ZWILCH: variants seen among roughly 807,000 people sequenced by gnomAD.
ZWILCH encodes the protein protein zwilch homolog.
ZWILCH carries 74 observed loss-of-function variants against 79.9 expected under a neutral mutation model. The observed-to-expected ratio is 0.93, with a 90% CI of 0.77 to 1.12. The LOEUF (loss-of-function observed/expected upper bound fraction) is 1.12. Ranked by LOEUF, ZWILCH falls within the 50% of genes most tolerant of loss-of-function variation. The probability of loss-of-function intolerance (pLI) is 0.00; values close to 1 mark genes in which losing one functional copy is unlikely to be tolerated. For missense variants in ZWILCH, 694 were observed against 687.5 expected, an observed-to-expected ratio of 1.01 and a Z score of -0.11; for synonymous variants, 241 against 228.2, an observed-to-expected ratio of 1.06 and a Z score of -0.51.
At position 66,548,679 on chromosome 15, in the gene ZWILCH, G is replaced by A; in HGVS notation, c.*355G>A. 1 of 709,460 alleles carries A rather than the reference G, an allele frequency of 1.4e-6. No individual in the cohort carries two copies. Among genetic ancestry groups the A allele is most frequent in the East Asian group, 2.6e-5 (1 of 38,310 alleles). The allele number at this position is 709,460 out of a possible 1,614,324, so 43.9% of individuals were successfully genotyped here. On this transcript the variant is annotated 3_prime_UTR_variant, in exon 19 of 19. Transcript: ENST00000307897. Reference sequence around the variant, plus strand: ...TAGTAAATACAGCTTTATCCCAAAAGCTTTAACTGTATTGGGAAAACTTAA... The same window carrying A: ...TAGTAAATACAGCTTTATCCCAAAAACTTTAACTGTATTGGGAAAACTTAA...
chr15:66,508,824 G>A lies in ZWILCH; in HGVS notation c.54-17G>A, dbSNP rs774729689. ...GATAATGTAGTTCTGTTTTTCACATGTGGTTCTGCGTTTCAGGAAATTTAA... is the reference window on the plus strand; with the variant it reads ...GATAATGTAGTTCTGTTTTTCACATATGGTTCTGCGTTTCAGGAAATTTAA... On this transcript the variant is annotated splice_polypyrimidine_tract_variant and intron_variant, in intron 1 of 18. Transcript: ENST00000307897. The A allele has an allele frequency of 6.2e-6, 10 of 1,613,866 alleles. No homozygotes were observed. In the South Asian group the frequency reaches 1.1e-4, roughly 18 times the overall value.
In ZWILCH at chr15:66,505,337, G is replaced by C. The variant is rs751870971; in HGVS notation, c.-2G>C. The stretch of plus-strand genomic sequence containing the variant: ...CCGGTACCGCTCTCACATTGGGGCG[G>C]GATGTGGGAGCGGCTGAACTGCGCA... On this transcript the variant is annotated 5_prime_UTR_variant, in exon 1 of 19. Transcript: ENST00000307897. 5.7e-5 allele frequency: 92 copies of C among 1,613,822 alleles called. 1 individual carries two copies. In the Admixed American group the frequency reaches 1.5e-3, roughly 26 times the overall value.
intron 12 of ZWILCH, among the ~76,000 whole-genome samples, chr15:66,531,050 T>C (rs920896581): frequency 6.6e-6 from 1 of 152,184 alleles, no homozygotes; most frequent in African/African-American, 2.4e-5. Flanking sequence ...AAAGTTAAAG[T>C]AGAGAAATAG....
chr15:66,519,113 T>G, intron 5 of ZWILCH, 35 bp downstream of exon 5: 9 of 1,583,814 alleles, frequency 5.7e-6, no homozygotes, highest in Non-Finnish European at 7.8e-6. Context: ...GTGTGTGTAT[T>G]TATTCATTTG....
At chr15:66,539,457 T>C (rs1452363403) in intron 16 of ZWILCH, among the ~76,000 whole-genome samples, 1 of 150,866 alleles carries the variant, frequency 6.6e-6, no homozygotes. Context: ...TTGGTAACTC[T>C]AGAATTTGTC....
Position 66,540,175 on chromosome 15 carries a change from G to C in ZWILCH, c.1652G>C (p.Ser551Thr). Reference sequence around the variant, plus strand: ...AAGACAGTTTGGCAACTGAGTGACAGCTCACCCATAGACCATCTGAATTTT... The same window carrying C: ...AAGACAGTTTGGCAACTGAGTGACACCTCACCCATAGACCATCTGAATTTT... ...KIKTVWQLSD[S>T]SPIDHLNFHK... is the part of the protein sequence containing the mutation. Residue 551 changes from serine to threonine, a missense_variant, in exon 17 of 19, where the codon AGC (serine) becomes ACC (threonine). By Grantham distance (58) the Ser-to-Thr change is moderately conservative. Transcript: ENST00000307897. The C allele has an allele frequency of 1.2e-6, 2 of 1,613,372 alleles. No homozygotes were observed. Among genetic ancestry groups the C allele is most frequent in the Non-Finnish European group, 1.7e-6 (2 of 1,179,502 alleles).
At chr15:66,535,386 C>A (rs960866743) in intron 14 of ZWILCH, among the ~76,000 whole-genome samples, 3 of 152,104 alleles carry the variant, frequency 2.0e-5, no homozygotes, top group Non-Finnish European at 4.4e-5. Flanking sequence ...TCTTATAAGA[C>A]CACTGTAGGC....
At chr15:66,515,485 T>C (rs774223082) in intron 3 of ZWILCH, 41 bp from the exon 4 acceptor site, 1 of 1,266,292 alleles carries the variant, frequency 7.9e-7, no homozygotes, top group East Asian at 2.3e-5. Flanking sequence ...CTATCCTATA[T>C]GCTCTTTTGT....
intron 2 of ZWILCH, among the ~76,000 whole-genome samples, chr15:66,509,844 T>C (rs928331416): frequency 2.6e-5 from 2 of 76,772 alleles, no homozygotes; most frequent in African/African-American, 4.2e-5. Context: ...TATATATATA[T>C]ATATATATAT....
intron 13 of ZWILCH, 49 bp downstream of exon 13, chr15:66,532,452 C>T (rs1446819509): frequency 6.6e-6 from 10 of 1,515,660 alleles, no homozygotes; most frequent in Non-Finnish European, 8.1e-6. Context: ...TCACAGTTAT[C>T]AGTCACAGAT....
chr15:66,505,362 A>T lies in ZWILCH; in HGVS notation c.24A>T (p.Ala8=), dbSNP rs1277403232. 5 of 1,614,178 alleles carry T rather than the reference A, an allele frequency of 3.1e-6. No individual in the cohort carries two copies. In the East Asian group the frequency reaches 8.9e-5, roughly 29 times the overall value. MWERLNC[A]AEDFYSRLLQ... Reference sequence around the variant, plus strand: ...GGATGTGGGAGCGGCTGAACTGCGCAGCAGAGGACTTTTATTCTCGTCTCC... The same window carrying T: ...GGATGTGGGAGCGGCTGAACTGCGCTGCAGAGGACTTTTATTCTCGTCTCC... Residue 8 remains alanine (A), a synonymous_variant, in exon 1 of 19, where the codon GCA becomes GCT. Transcript: ENST00000307897.
chr15:66,508,971 GCT>G (rs56078366), intron 2 of ZWILCH, 79 bp downstream of exon 2: 491,064 of 1,491,414 alleles, frequency 0.33, 84,096 homozygotes, highest in South Asian at 0.37. Flanking sequence ...ACGGAGTCAT[GCT>G]CTGTTACCCA....
chr15:66,510,785 G>A (rs1016526371), intron 2 of ZWILCH, among the ~76,000 whole-genome samples: 5 of 152,148 alleles, frequency 3.3e-5, no homozygotes, highest in Admixed American at 2.0e-4. Context: ...GCAATCTTTG[G>A]TATTGCTTGG....
intron 1 of ZWILCH, among the ~76,000 whole-genome samples, chr15:66,507,938 CAA>C (rs34334763): frequency 0.023 from 2,206 of 97,552 alleles, 49 homozygotes; most frequent in African/African-American, 0.089. Flanking sequence ...GACTGCATCT[CAA>C]AAAAAAAAAA....
chr15:66,530,224 A>G (rs147609484), intron 12 of ZWILCH, among the ~76,000 whole-genome samples: 106 of 152,364 alleles, frequency 7.0e-4, no homozygotes, highest in African/African-American at 2.3e-3. Context: ...AATGCTTACA[A>G]TATTTGATAA....
At chr15:66,519,427 T>G (rs1205313667) in intron 5 of ZWILCH, among the ~76,000 whole-genome samples, 1 of 152,204 alleles carries the variant, frequency 6.6e-6, no homozygotes, top group Non-Finnish European at 1.5e-5. Flanking sequence ...GTATTGACCT[T>G]CATTCCACTT....
chr15:66,526,269 C>T (rs1446671931), intron 8 of ZWILCH, among the ~76,000 whole-genome samples: 1 of 152,120 alleles, frequency 6.6e-6, no homozygotes, highest in Non-Finnish European at 1.5e-5. Flanking sequence ...TTGAAGATCC[C>T]TTGATGGTTT....
intron 14 of ZWILCH, 104 bp downstream of exon 14, chr15:66,533,117 G>T (rs543427645): frequency 2.9e-6 from 2 of 694,402 alleles, no homozygotes; most frequent in African/African-American, 3.7e-5. Context: ...TTAGGTCCTG[G>T]GAAATGGATA....
chr15:66,509,433 T>A (rs1240391348), intron 2 of ZWILCH, among the ~76,000 whole-genome samples: 2 of 152,170 alleles, frequency 1.3e-5, no homozygotes, highest in Non-Finnish European at 2.9e-5. Flanking sequence ...CATACAGCCT[T>A]TTGGTTCTGG....
Sources: allele counts gnomAD v4.1 joint callset (sites outside exome capture counted in the v4.1 genomes callset), GRCh38; gene constraint gnomAD v4.1.1; transcripts MANE v1.5; gene names NCBI Gene and HGNC (gene_info 2026-07-23, HGNC 2026-07-21).